Variants in ARHGAP39 observed in about 807,000 individuals in gnomAD.
The protein encoded by ARHGAP39 is rho GTPase-activating protein 39.
A neutral mutation model predicts 106.9 loss-of-function variants in ARHGAP39; 44 were observed. The observed-to-expected ratio is 0.41, with a 90% CI of 0.32 to 0.53. The LOEUF (loss-of-function observed/expected upper bound fraction) is 0.53, where lower values mean the gene tolerates loss of function less well. Ranked by LOEUF, ARHGAP39 falls within the 20% of genes least tolerant of loss-of-function variation. The pLI, the probability that ARHGAP39 is intolerant of heterozygous loss-of-function variation, is 0.21. For synonymous variants in ARHGAP39, 768 were observed against 693.2 expected (o/e 1.11, Z -1.69); for missense variants, 1,496 against 1,577.3 (o/e 0.95, Z 0.87).
chr8:144,672,595 T>C (rs370613993), intron 1 of ARHGAP39, among the ~76,000 whole-genome samples: 114 of 152,300 alleles, frequency 7.5e-4, no homozygotes, highest in South Asian at 1.5e-3. Context: ...GCCTCACATC[T>C]GTCTACACCA....
Position 144,530,511 on chromosome 8 carries a change from C to A in ARHGAP39, c.3256G>T (p.Val1086Phe), listed in dbSNP as rs752943391. The change falls in exon 12 of 12, where the codon GTC becomes TTC. Residue 1086 changes from valine to phenylalanine, a missense_variant. Physicochemically the swap from Val to Phe is conservative, Grantham distance 50. This residue lies in a region of ARHGAP39 where 470 missense variants were observed against 605.1 expected (regional missense o/e 0.78). Transcript: ENST00000377307. Reference sequence around the variant, plus strand: ...TCCTTGCGGGTGTTCTCGAAGATGACGCGCGGGTCGTCGGACTGGCAGCGC... The same window carrying A: ...TCCTTGCGGGTGTTCTCGAAGATGAAGCGCGGGTCGTCGGACTGGCAGCGC... The part of the protein sequence containing the change: ...CLRCQSDDPR[V>F]IFENTRKEMS... 2.5e-6 allele frequency: 4 copies of A among 1,611,964 alleles called. No homozygotes were observed. The South Asian group carries it at 4.4e-5, about 18-fold the overall frequency.
At chr8:144,685,612 C>T (rs1423262940) in intron 1 of ARHGAP39, among the ~76,000 whole-genome samples, 74 bp downstream of exon 1, 2 of 148,990 alleles carry the variant, frequency 1.3e-5, no homozygotes, top group Non-Finnish European at 3.0e-5. Flanking sequence ...GCCAGGACCA[C>T]GGGGACCGCA....
rs563089316 is a variant in ARHGAP39 at position 144,585,965 on chromosome 8, C to T, written c.81-4688G>A. On this transcript the variant is annotated intron_variant, in intron 2 of 11. Coordinates refer to ENST00000377307, the MANE Select transcript of ARHGAP39 (RefSeq NM_025251.3). The surrounding 1 kb of genome is among the most constrained non-coding windows in gnomAD (Gnocchi z 4.6). ...CAGGCTCTCCACTCTTGTTACCTGACCCCCGTGACTCAGGGTAGTTTTTTA... is the reference window on the plus strand; with the variant it reads ...CAGGCTCTCCACTCTTGTTACCTGATCCCCGTGACTCAGGGTAGTTTTTTA... Among the ~76,000 whole-genome samples the T allele has an allele frequency of 6.6e-6, 1 of 152,264 alleles. No individual in the cohort carries two copies. The highest frequency in any genetic ancestry group is 2.4e-5 in the African/African-American group (1 of 41,568).
At chr8:144,631,121 A>T (rs1380285617) in intron 1 of ARHGAP39, among the ~76,000 whole-genome samples, 1 of 152,088 alleles carries the variant, frequency 6.6e-6, no homozygotes, top group African/African-American at 2.4e-5. Context: ...TCCATCTCGC[A>T]TGAGCCAGAG....
intron 1 of ARHGAP39, among the ~76,000 whole-genome samples, chr8:144,613,301 G>A (rs904753141): frequency 6.6e-6 from 1 of 152,246 alleles, no homozygotes; most frequent in South Asian, 2.1e-4. Flanking sequence ...ACCATTTCCA[G>A]TACTCTTCAA....
At position 144,591,440 on chromosome 8, in the gene ARHGAP39, T is replaced by C. The variant is rs1819390992; in HGVS notation, c.81-10163A>G. ...GGTAGCAGGGCCACCGTGAAGGGCCTGAGGCCTGGGCTGACCTGACCTAAT... is the reference window on the plus strand; with the variant it reads ...GGTAGCAGGGCCACCGTGAAGGGCCCGAGGCCTGGGCTGACCTGACCTAAT... On this transcript the variant is annotated intron_variant, in intron 2 of 11. Coordinates refer to ENST00000377307, the MANE Select transcript of ARHGAP39 (RefSeq NM_025251.3). This position sits in a 1 kb window ranked among gnomAD's most constrained non-coding sequence, Gnocchi z 5.3. Among the ~76,000 whole-genome samples, 1 of 152,106 alleles carries C rather than the reference T, an allele frequency of 6.6e-6. No homozygotes were observed. The highest frequency in any genetic ancestry group is 2.4e-5 in the African/African-American group (1 of 41,422).
chr8:144,539,978 G>C (rs1817124302), intron 6 of ARHGAP39, among the ~76,000 whole-genome samples: 1 of 152,242 alleles, frequency 6.6e-6, no homozygotes, highest in South Asian at 2.1e-4. Flanking sequence ...CGATTTGGTA[G>C]AACTGATGGC....
chr8:144,648,264 T>C (rs1174826832), intron 1 of ARHGAP39, among the ~76,000 whole-genome samples: 1 of 152,236 alleles, frequency 6.6e-6, no homozygotes, highest in Admixed American at 6.5e-5. Flanking sequence ...GTCTTGACTG[T>C]AGTCTCAGGA....
intron 6 of ARHGAP39, 117 bp downstream of exon 6, chr8:144,545,132 G>A (rs1039356781): frequency 2.5e-5 from 25 of 995,242 alleles, no homozygotes; most frequent in Middle Eastern, 3.4e-4. Context: ...GGTGTGTGTC[G>A]AACCATGGCC....
At position 144,548,246 on chromosome 8, in the gene ARHGAP39, C is replaced by T; in HGVS notation, c.840G>A (p.Glu280=). Residue 280 remains glutamate (E), a synonymous_variant, in exon 5 of 12, where the codon GAG becomes GAA. Transcript: ENST00000377307. The surrounding 1 kb of genome is among the most constrained non-coding windows in gnomAD (Gnocchi z 7.4). ...RRPSPFLKRA[E]LPGSSSPLLA... ...GCAGCGGGGAGCTGCTCCCTGGGAGCTCGGCCCTCTTCAGGAAGGGTGACG... is the reference window on the plus strand; with the variant it reads ...GCAGCGGGGAGCTGCTCCCTGGGAGTTCGGCCCTCTTCAGGAAGGGTGACG... The T allele has an allele frequency of 6.2e-7, 1 of 1,608,670 alleles. No individual in the cohort carries two copies. Among genetic ancestry groups the T allele is most frequent in the Non-Finnish European group, 8.5e-7 (1 of 1,177,656 alleles).
intron 1 of ARHGAP39, among the ~76,000 whole-genome samples, chr8:144,667,758 C>T (rs1822000575): frequency 6.6e-6 from 1 of 152,160 alleles, no homozygotes; most frequent in South Asian, 2.1e-4. Flanking sequence ...CCTTGGTTTC[C>T]TCATCTATGA....
At chr8:144,583,374 G>A (rs1190935964) in intron 2 of ARHGAP39, among the ~76,000 whole-genome samples, 1 of 152,230 alleles carries the variant, frequency 6.6e-6, no homozygotes, top group Non-Finnish European at 1.5e-5. Flanking sequence ...ACCGCAACAG[G>A]AAGTGGCGCA....
At chr8:144,659,960 G>A (rs1821783359) in intron 1 of ARHGAP39, among the ~76,000 whole-genome samples, 1 of 152,074 alleles carries the variant, frequency 6.6e-6, no homozygotes, top group Non-Finnish European at 1.5e-5. Context: ...CAAATGCCAG[G>A]TTCACCTCAG....
chr8:144,603,989 C>G (rs775740851), intron 2 of ARHGAP39, among the ~76,000 whole-genome samples: 1 of 152,118 alleles, frequency 6.6e-6, no homozygotes. Flanking sequence ...AAAAACCCAA[C>G]GGAGCTCACA....
chr8:144,581,166 G>T lies in ARHGAP39; in HGVS notation c.192C>A (p.Thr64=). The T allele has an allele frequency of 2.5e-6, 4 of 1,571,868 alleles. No homozygotes were observed. The highest frequency in any genetic ancestry group is 3.5e-6 in the Non-Finnish European group (4 of 1,159,146). ...DPPAGVRIKR[T]SENQWWELFD... Reference sequence around the variant, plus strand: ...ACAGCTCCCACCACTGGTTCTCGCTGGTGCGCTTGATGCGGACGCCGGCCG... The same window carrying T: ...ACAGCTCCCACCACTGGTTCTCGCTTGTGCGCTTGATGCGGACGCCGGCCG... The change falls in exon 3 of 12, where the codon ACC becomes ACA. Residue 64 remains threonine, a synonymous_variant. Coordinates refer to ENST00000377307, the MANE Select transcript of ARHGAP39 (RefSeq NM_025251.3).
intron 1 of ARHGAP39, among the ~76,000 whole-genome samples, chr8:144,613,610 C>T (rs1366803299): frequency 6.6e-6 from 1 of 150,972 alleles, no homozygotes; most frequent in African/African-American, 2.4e-5. Context: ...CACAAAAGGC[C>T]TTGCTTTTTT....
chr8:144,549,315 G>C (rs964234033), intron 4 of ARHGAP39, among the ~76,000 whole-genome samples: 1 of 152,236 alleles, frequency 6.6e-6, no homozygotes, highest in Non-Finnish European at 1.5e-5. Flanking sequence ...GAGACGAGGG[G>C]CCCCTCCACC....
At chr8:144,614,620 T>C (rs949943323) in intron 1 of ARHGAP39, among the ~76,000 whole-genome samples, 6 of 152,378 alleles carry the variant, frequency 3.9e-5, no homozygotes, top group Non-Finnish European at 8.8e-5. Flanking sequence ...CCACAAGTGC[T>C]GGGATTACAG....
At chr8:144,699,147 C>T in the ARHGAP39 span, 4 of 281,504 alleles carry the variant, frequency 1.4e-5, no homozygotes, top group Non-Finnish European at 2.8e-5. Flanking sequence ...GACTGTAAGC[C>T]CTGGGAGATG....
Sources: allele counts gnomAD v4.1 joint callset (sites outside exome capture counted in the v4.1 genomes callset), GRCh38; gene constraint gnomAD v4.1.1; regional missense constraint gnomAD v4.1.1; non-coding constraint Gnocchi (gnomAD v3.1); transcripts MANE v1.5; gene names NCBI Gene and HGNC (gene_info 2026-07-23, HGNC 2026-07-21).